LYPLAL1: variants seen among roughly 807,000 people sequenced by gnomAD.
The protein encoded by LYPLAL1 is lysophospholipase like 1, also known as lysophospholipase-like protein 1.
LYPLAL1 carries 23 observed loss-of-function variants against 19.7 expected under a neutral mutation model. The observed-to-expected ratio is 1.17, with a 90% confidence interval of 0.84 to 1.65. The LOEUF is 1.65. LYPLAL1 is among the 40% of genes most tolerant of loss of function. The pLI is 0.00. For synonymous variants in LYPLAL1, 119 were observed against 96.3 expected, an observed-to-expected ratio of 1.24 and a Z score of -1.38; for missense variants, 355 against 279.4, an observed-to-expected ratio of 1.27 and a Z score of -1.93.
chr1:219,294,526 G>C, the LYPLAL1 span, among the ~76,000 whole-genome samples: 1 of 152,176 alleles, frequency 6.6e-6, no homozygotes. Flanking sequence ...GCTTTTGCCA[G>C]ACTGACTCAT....
chr1:219,378,729 A>G, the LYPLAL1 span, among the ~76,000 whole-genome samples: 1 of 152,186 alleles, frequency 6.6e-6, no homozygotes, highest in Non-Finnish European at 1.5e-5. Context: ...GTGCTTTAGC[A>G]TGAATATTTA....
At chr1:219,379,223 A>G in the LYPLAL1 span, among the ~76,000 whole-genome samples, 2 of 152,174 alleles carry the variant, frequency 1.3e-5, no homozygotes. Flanking sequence ...CAGCAATGTC[A>G]TTGCTCCAAC....
chr1:219,337,448 T>C, the LYPLAL1 span, among the ~76,000 whole-genome samples: 2 of 152,032 alleles, frequency 1.3e-5, no homozygotes, highest in Non-Finnish European at 2.9e-5. Flanking sequence ...AAAACAAATA[T>C]TCTCTTTGAA....
chr1:219,278,307 T>C, the LYPLAL1 span, among the ~76,000 whole-genome samples: 2 of 152,112 alleles, frequency 1.3e-5, no homozygotes, highest in East Asian at 3.8e-4. Context: ...GTCCCAGGCA[T>C]CTTAAGTGGT....
the LYPLAL1 span, chr1:219,271,284 G>A: frequency 6.6e-6 from 1 of 152,112 alleles, no homozygotes; most frequent in African/African-American, 2.4e-5. Context: ...AAGATTCTGT[G>A]GGACATGGAG....
the LYPLAL1 span, among the ~76,000 whole-genome samples, chr1:219,253,623 T>G: frequency 2.0e-5 from 3 of 152,072 alleles, no homozygotes; most frequent in Non-Finnish European, 2.9e-5. Context: ...CTATTTTTAC[T>G]GAGCTGTGGT....
the LYPLAL1 span, among the ~76,000 whole-genome samples, chr1:219,236,829 G>A: frequency 1.3e-5 from 2 of 152,108 alleles, no homozygotes; most frequent in African/African-American, 4.8e-5. Context: ...GTGCCATGGT[G>A]GTTTGCTGTA....
At chr1:219,177,690 G>A (rs1459558607) in intron 1 of LYPLAL1, among the ~76,000 whole-genome samples, 2 of 152,108 alleles carry the variant, frequency 1.3e-5, no homozygotes, top group African/African-American at 4.8e-5. Flanking sequence ...AATTTCTCTA[G>A]TATCTGTTTC....
the LYPLAL1 span, among the ~76,000 whole-genome samples, chr1:219,430,154 T>TTCAC: frequency 6.6e-6 from 1 of 151,916 alleles, no homozygotes; most frequent in Non-Finnish European, 1.5e-5. Flanking sequence ...ATTAGCTGGA[T>TTCAC]GTGATGGTGT....
chr1:219,259,439 A>ATG, the LYPLAL1 span, among the ~76,000 whole-genome samples: 2 of 144,916 alleles, frequency 1.4e-5, no homozygotes, highest in Non-Finnish European at 3.0e-5. Context: ...ATGTATATAT[A>ATG]CCATGGAATA....
At chr1:219,410,949 C>T in the LYPLAL1 span, among the ~76,000 whole-genome samples, 1 of 152,244 alleles carries the variant, frequency 6.6e-6, no homozygotes, top group Non-Finnish European at 1.5e-5. Context: ...TCCATGGGCT[C>T]CTGTGTGGCC....
At chr1:219,206,725 T>C (rs933850968) in intron 3 of LYPLAL1, among the ~76,000 whole-genome samples, 6 of 146,826 alleles carry the variant, frequency 4.1e-5, no homozygotes, top group Admixed American at 2.7e-4. Context: ...CTTTCTCTCT[T>C]TTTTTTTTTT....
the LYPLAL1 span, among the ~76,000 whole-genome samples, chr1:219,264,503 C>T: frequency 3.0e-4 from 46 of 152,202 alleles, no homozygotes; most frequent in Admixed American, 5.9e-4. Context: ...CCAAAGTAGA[C>T]TTCATCCTCT....
At chr1:219,355,687 C>T in the LYPLAL1 span, among the ~76,000 whole-genome samples, 10,438 of 151,898 alleles carry the variant, frequency 0.069, 505 homozygotes, top group South Asian at 0.14. Context: ...CAAGAGTACA[C>T]GGAAAATTCA....
chr1:219,193,288 A>G (rs774676811), intron 3 of LYPLAL1, 37 bp downstream of exon 3: 1 of 1,541,062 alleles, frequency 6.5e-7, no homozygotes, highest in South Asian at 1.2e-5. Context: ...ATCACTGTTC[A>G]CTTTTGTCTA....
chr1:219,282,871 GA>G, the LYPLAL1 span, among the ~76,000 whole-genome samples: 1 of 152,088 alleles, frequency 6.6e-6, no homozygotes, highest in East Asian at 1.9e-4. Flanking sequence ...GAGATGAAGG[GA>G]AGGTTCATGA....
intron 4 of LYPLAL1, 51 bp from the exon 5 acceptor site, chr1:219,211,441 A>T: frequency 1.7e-6 from 2 of 1,185,344 alleles, no homozygotes; most frequent in Non-Finnish European, 2.4e-6. Context: ...TCTAAGAATG[A>T]TCTTAAATGG....
intron 2 of LYPLAL1, among the ~76,000 whole-genome samples, chr1:219,183,308 C>G (rs1656446528): frequency 6.6e-6 from 1 of 151,864 alleles, no homozygotes; most frequent in Non-Finnish European, 1.5e-5. Flanking sequence ...TGTTGGAGTT[C>G]TGTAGTTTTT....
At chr1:219,410,971 G>A in the LYPLAL1 span, among the ~76,000 whole-genome samples, 15 of 152,298 alleles carry the variant, frequency 9.8e-5, no homozygotes, top group South Asian at 1.2e-3. Flanking sequence ...GAGCCTCCCC[G>A]ACGAGCGCCA....
Sources: gnomAD v4.1 joint callset for allele counts (sites outside exome capture counted in the v4.1 genomes callset) on GRCh38, gnomAD v4.1.1 for gene constraint, MANE v1.5 for transcripts, NCBI Gene and HGNC (gene_info 2026-07-23, HGNC 2026-07-21) for gene names.